Variants in OSTN observed in about 807,000 individuals in gnomAD.
OSTN encodes osteocrin.
In OSTN, 9 loss-of-function variants were observed where a neutral mutation model predicts 12.0. That is an observed-to-expected ratio of 0.75 (90% CI 0.45 to 1.30). OSTN has a LOEUF of 1.30. OSTN is among the 50% of genes most tolerant of loss of function. The probability of loss-of-function intolerance (pLI) is 0.00; values close to 1 mark genes in which losing one functional copy is unlikely to be tolerated. For missense variants in OSTN, 148 were observed against 152.3 expected, an observed-to-expected ratio of 0.97 and a Z score of 0.15; for synonymous variants, 59 against 56.9, an observed-to-expected ratio of 1.04 and a Z score of -0.16.
At chr3:191,254,170 C>T (rs1715620914) in intron 4 of OSTN, among the ~76,000 whole-genome samples, 1 of 152,116 alleles carries the variant, frequency 6.6e-6, no homozygotes, top group South Asian at 2.1e-4. Context: ...TGCAGATAAA[C>T]AGATCTTTAA....
intron 3 of OSTN, among the ~76,000 whole-genome samples, chr3:191,234,044 TCTCA>T (rs764417205): frequency 6.6e-6 from 1 of 152,116 alleles, no homozygotes; most frequent in South Asian, 2.1e-4. Context: ...TAATGGTTTC[TCTCA>T]CTCCTTCACA....
chr3:191,239,728 G>C (rs1008177798), intron 3 of OSTN, among the ~76,000 whole-genome samples: 1 of 152,176 alleles, frequency 6.6e-6, no homozygotes, highest in Non-Finnish European at 1.5e-5. Context: ...CATTTATTAA[G>C]TGGTAACCAA....
chr3:191,205,174 T>C (rs1714239576), intron 1 of OSTN, among the ~76,000 whole-genome samples: 1 of 152,130 alleles, frequency 6.6e-6, no homozygotes, highest in African/African-American at 2.4e-5. Context: ...TGTTTGTAAA[T>C]TAAGATTAAC....
At chr3:191,260,574 A>G (rs761545627) in intron 4 of OSTN, among the ~76,000 whole-genome samples, 4 of 152,162 alleles carry the variant, frequency 2.6e-5, no homozygotes, top group Non-Finnish European at 5.9e-5. Context: ...AACGGCTGAG[A>G]AAACAAAAGC....
At chr3:191,258,862 C>T (rs988343046) in intron 4 of OSTN, among the ~76,000 whole-genome samples, 3 of 152,214 alleles carry the variant, frequency 2.0e-5, no homozygotes, top group South Asian at 4.2e-4. Flanking sequence ...CTATAGTTGG[C>T]CATGTCTAAC....
intron 3 of OSTN, among the ~76,000 whole-genome samples, chr3:191,244,362 A>G (rs1240881305): frequency 6.6e-6 from 1 of 151,722 alleles, no homozygotes; most frequent in African/African-American, 2.4e-5. Context: ...TCCTTAATCT[A>G]CTTTACTTAC....
chr3:191,215,578 G>A (rs1469070306), intron 2 of OSTN, among the ~76,000 whole-genome samples: 3 of 152,164 alleles, frequency 2.0e-5, no homozygotes, highest in African/African-American at 7.2e-5. Flanking sequence ...CAGACATTGG[G>A]CAAATAAACC....
At chr3:191,250,016 G>A (rs377423560) in intron 3 of OSTN, 21 bp from the exon 4 acceptor site, 4 of 1,574,934 alleles carry the variant, frequency 2.5e-6, no homozygotes, top group Admixed American at 1.7e-5. Context: ...GTTTAAAAAT[G>A]TCCTCCTTGG....
In OSTN at chr3:191,241,167, CTTTT is replaced by C. The variant is rs575332839; in HGVS notation, c.318-8844_318-8841del. Among the ~76,000 whole-genome samples the C allele has an allele frequency of 8.5e-3, 392 of 46,242 alleles. 1 individual carries two copies. Among genetic ancestry groups the C allele is most frequent in the South Asian group, 0.011 (7 of 666 alleles). 30.3% of individuals were successfully genotyped at this position (46,242 alleles called of 152,430 possible). On this transcript the variant is annotated intron_variant, in intron 3 of 4. Transcript: ENST00000682035. ...AAGTTGGTGGAGCTCTGTGCCTTGACTTTTTTTTTTTTTTTTTTTTTTTTTTTTT... is the reference window on the plus strand; with the variant it reads ...AAGTTGGTGGAGCTCTGTGCCTTGACTTTTTTTTTTTTTTTTTTTTTTTTT...
intron 3 of OSTN, among the ~76,000 whole-genome samples, chr3:191,248,294 G>A (rs1314139236): frequency 1.3e-5 from 2 of 152,086 alleles, no homozygotes; most frequent in Non-Finnish European, 2.9e-5. Flanking sequence ...GAGGGAAAAG[G>A]CTATTTATGA....
chr3:191,258,944 A>C (rs1404947795), intron 4 of OSTN, among the ~76,000 whole-genome samples: 1 of 152,196 alleles, frequency 6.6e-6, no homozygotes, highest in Non-Finnish European at 1.5e-5. Context: ...TTTCTGGTCA[A>C]AAGCCAAAGT....
rs1235366131 is a variant in OSTN, at chr3:191,264,267, T to C, written c.*1414T>C. The C allele has an allele frequency of 6.6e-6, 1 of 151,834 alleles. No individual in the cohort carries two copies. Among genetic ancestry groups the C allele is most frequent in the Non-Finnish European group, 1.5e-5 (1 of 67,888 alleles). The allele number at this position is 151,834 out of a possible 1,614,324, so 9.4% of individuals were successfully genotyped here. On this transcript the variant is annotated 3_prime_UTR_variant, in exon 5 of 5. Coordinates refer to ENST00000682035, the MANE Select transcript of OSTN (RefSeq NM_198184.2). ...TAACAAAAATATATTAGAAAAAGAG[T>C]TAAACTAAGAAATTGACCTTTATGA...
chr3:191,252,059 G>A (rs184881460), intron 4 of OSTN, among the ~76,000 whole-genome samples: 3 of 150,344 alleles, frequency 2.0e-5, no homozygotes, highest in East Asian at 3.9e-4. Context: ...ATTTTCATAT[G>A]ATTTTTTTTT....
chr3:191,204,252 T>C (rs1560111740), intron 1 of OSTN, among the ~76,000 whole-genome samples: 1 of 152,172 alleles, frequency 6.6e-6, no homozygotes, highest in African/African-American at 2.4e-5. Context: ...GCTCCTTTTT[T>C]TCAGGAATCC....
intron 4 of OSTN, among the ~76,000 whole-genome samples, chr3:191,252,596 A>G (rs557906706): frequency 1.3e-5 from 2 of 152,298 alleles, no homozygotes; most frequent in East Asian, 1.9e-4. Context: ...AATTTATCAT[A>G]TATTTGCTCT....
At chr3:191,253,580 G>C (rs1016416893) in intron 4 of OSTN, among the ~76,000 whole-genome samples, 6 of 152,202 alleles carry the variant, frequency 3.9e-5, no homozygotes, top group Non-Finnish European at 5.9e-5. Flanking sequence ...TTTAATAATA[G>C]TTTCAAGACA....
chr3:191,245,395 A>G (rs927900651), intron 3 of OSTN, among the ~76,000 whole-genome samples: 1 of 152,234 alleles, frequency 6.6e-6, no homozygotes, highest in Non-Finnish European at 1.5e-5. Flanking sequence ...AGATAGGCAT[A>G]GCAATTATTA....
chr3:191,205,444 AT>A (rs200831019), intron 1 of OSTN, among the ~76,000 whole-genome samples: 4,376 of 143,840 alleles, frequency 0.03, 208 homozygotes, highest in East Asian at 0.2. Flanking sequence ...GTAAAAAAAA[AT>A]ATATATATAT....
chr3:191,231,371 C>CAT (rs1170443410), intron 3 of OSTN, among the ~76,000 whole-genome samples: 1 of 151,594 alleles, frequency 6.6e-6, no homozygotes, highest in South Asian at 2.1e-4. Context: ...ATATATATCA[C>CAT]ATATATATAA....
Sources: gnomAD v4.1 joint callset for allele counts (sites outside exome capture counted in the v4.1 genomes callset) on GRCh38, gnomAD v4.1.1 for gene constraint, MANE v1.5 for transcripts, NCBI Gene and HGNC (gene_info 2026-07-23, HGNC 2026-07-21) for gene names.